The following PDZD7 variants were observed in gnomAD, a reference collection of about 807,000 sequenced individuals.
PDZD7 encodes PDZ domain containing 7, also known as PDZ domain-containing protein 7.
A neutral mutation model predicts 84.7 loss-of-function variants in PDZD7; 72 were observed. The observed-to-expected ratio is 0.85, with a 90% CI of 0.70 to 1.03. PDZD7 has a LOEUF of 1.03. Among genes scored for constraint, PDZD7 ranks in the 50% least tolerant of loss-of-function variants. The pLI is 0.00. For missense variants in PDZD7, 1,490 were observed against 1,412.9 expected (o/e 1.05, Z -0.87); for synonymous variants, 594 against 580.7 (o/e 1.02, Z -0.33).
intron 12 of PDZD7, 67 bp downstream of exon 12, chr10:101,012,100 G>T: frequency 1.3e-6 from 2 of 1,540,460 alleles, no homozygotes; most frequent in South Asian, 1.2e-5. Flanking sequence ...TTCAGCCCTC[G>T]GGAGGTTGGG....
chr10:101,015,552 G>C (rs1368375263), intron 11 of PDZD7, 84 bp downstream of exon 11: 10 of 1,477,508 alleles, frequency 6.8e-6, no homozygotes, highest in Non-Finnish European at 8.2e-6. Context: ...CCAGACACTG[G>C]TCAGTGGACA....
In PDZD7 at chr10:101,010,895, C is replaced by T. The variant is rs1488323392; in HGVS notation, c.2006-12G>A. 2 of 1,533,678 alleles carry T rather than the reference C, an allele frequency of 1.3e-6. No individual in the cohort carries two copies. Among genetic ancestry groups the T allele is most frequent in the East Asian group, 2.4e-5 (1 of 40,916 alleles). On this transcript the variant is annotated splice_polypyrimidine_tract_variant and intron_variant, in intron 14 of 16. Transcript: ENST00000619208. ...GCCTCCGCGGCTGTCTGGGGAAGAG[C>T]GCCAAGGTCAGCTGCCCACTCCTCC...
intron 14 of PDZD7, chr10:101,011,455 T>C: frequency 8.1e-7 from 1 of 1,238,146 alleles, no homozygotes; most frequent in Non-Finnish European, 1.1e-6. Context: ...CTGCATAGAA[T>C]GAGACTAGAT....
chr10:101,018,781 G>C (rs775743175), intron 8 of PDZD7, 41 bp downstream of exon 8: 1 of 1,540,264 alleles, frequency 6.5e-7, no homozygotes, highest in Non-Finnish European at 8.8e-7. Flanking sequence ...TTTTGGACCA[G>C]AGGCTGTGGA....
chr10:101,017,576 A>AT, intron 9 of PDZD7: 1 of 701,526 alleles, frequency 1.4e-6, no homozygotes, highest in Non-Finnish European at 2.6e-6. Context: ...CAGTCCAGGA[A>AT]TTTGAGACTA....
rs1447988198 is a variant in PDZD7, at chr10:101,018,224, G to A, written c.1397C>T (p.Thr466Met). ...TCCCTTGAAGAAGAGGTTCATCAGC[G>A]TCTTGGAGCGCTGCAGGGCACCCTT... ...GEKGALQRSK[T>M]LMNLFFKGGR... Residue 466 changes from threonine to methionine, a missense_variant, in exon 9 of 17, where the codon ACG (threonine) becomes ATG (methionine). Coordinates refer to ENST00000619208, the MANE Select transcript of PDZD7 (RefSeq NM_001195263.2). 6.2e-7 allele frequency: 1 copy of A among 1,614,072 alleles called. No individual in the cohort carries two copies. Among genetic ancestry groups the A allele is most frequent in the Non-Finnish European group, 8.5e-7 (1 of 1,180,056 alleles).
In PDZD7 at chr10:101,010,554, G is replaced by A. The variant is rs1408396864; in HGVS notation, c.2335C>T (p.Arg779Cys). 8 of 1,491,882 alleles carry A rather than the reference G, an allele frequency of 5.4e-6. No homozygotes were observed. In the Admixed American group the frequency reaches 8.0e-5, roughly 15 times the overall value. 92.4% of individuals were successfully genotyped at this position (1,491,882 alleles called of 1,614,324 possible). A position where few individuals can be genotyped will look rare whatever the true frequency, so the allele number is the denominator to read the frequency against. The change falls in exon 15 of 17, where the codon CGC becomes TGC. Residue 779 changes from arginine to cysteine, a missense_variant. Physicochemically the swap from Arg to Cys is radical, Grantham distance 180. Transcript: ENST00000619208. ...RAQSRSRSRS[R>C]SRSRSSRGQG... ...CCCCGGCTGCTGCGGCTGCGGCTGC[G>A]GCTACGGCTGCGGCTACGGCTCTGA...
At chr10:101,015,255 A>G (rs1464788104) in intron 11 of PDZD7, among the ~76,000 whole-genome samples, 1 of 151,942 alleles carries the variant, frequency 6.6e-6, no homozygotes, top group Non-Finnish European at 1.5e-5. Flanking sequence ...GACTGCAGGG[A>G]CTCACTTTCC....
chr10:101,015,367 C>T (rs991842015), intron 11 of PDZD7, among the ~76,000 whole-genome samples: 3 of 152,162 alleles, frequency 2.0e-5, no homozygotes, highest in African/African-American at 4.8e-5. Context: ...CCTGGGTTAC[C>T]GTCTCATGTT....
Position 101,023,446 on chromosome 10 carries a change from T to C in PDZD7, c.532A>G (p.Lys178Glu). 6.2e-7 allele frequency: 1 copy of C among 1,613,966 alleles called. No individual in the cohort carries two copies. Among genetic ancestry groups the C allele is most frequent in the Non-Finnish European group, 8.5e-7 (1 of 1,179,992 alleles). ...RVPGIKFSKEKTTWVDVVNRR... is the reference protein window; with the variant it reads ...RVPGIKFSKEETTWVDVVNRR... Reference sequence around the variant, plus strand: ...GGAGTTGCTGCTCACCACGTGGTCTTCTCCTTGGAGAACTTGATGCCCGGC... The same window carrying C: ...GGAGTTGCTGCTCACCACGTGGTCTCCTCCTTGGAGAACTTGATGCCCGGC... Residue 178 changes from lysine to glutamate, a missense_variant, in exon 4 of 17, where the codon AAG becomes GAG. Physicochemically the swap from Lys to Glu is moderately conservative, Grantham distance 56. Coordinates refer to ENST00000619208, the MANE Select transcript of PDZD7 (RefSeq NM_001195263.2).
chr10:101,010,229 C>T (rs1852347038), intron 15 of PDZD7, 43 bp downstream of exon 15: 3 of 1,483,822 alleles, frequency 2.0e-6, no homozygotes, highest in Non-Finnish European at 2.7e-6. Context: ...TAGGCCCAGG[C>T]TTCCTAGTGT....
intron 2 of PDZD7, among the ~76,000 whole-genome samples, chr10:101,028,814 T>G (rs1937875654): frequency 6.6e-6 from 1 of 152,214 alleles, no homozygotes; most frequent in Non-Finnish European, 1.5e-5. Context: ...CTCACCAGAA[T>G]GACCGTGGTG....
Position 101,010,894 on chromosome 10 carries a change from G to C in PDZD7, c.2006-11C>G, listed in dbSNP as rs1255120831. Reference sequence around the variant, plus strand: ...AGCCTCCGCGGCTGTCTGGGGAAGAGCGCCAAGGTCAGCTGCCCACTCCTC... The same window carrying C: ...AGCCTCCGCGGCTGTCTGGGGAAGACCGCCAAGGTCAGCTGCCCACTCCTC... On this transcript the variant is annotated splice_polypyrimidine_tract_variant and intron_variant, in intron 14 of 16. Transcript: ENST00000619208. 2.0e-6 allele frequency: 3 copies of C among 1,529,760 alleles called. No homozygotes were observed. In the South Asian group the frequency reaches 3.6e-5, roughly 18 times the overall value. The allele number at this position is 1,529,760 out of a possible 1,614,324, so 94.8% of individuals were successfully genotyped here.
At chr10:101,009,192 C>T in intron 16 of PDZD7, 58 bp downstream of exon 16, 5 of 1,431,936 alleles carry the variant, frequency 3.5e-6, no homozygotes, top group Non-Finnish European at 4.7e-6. Flanking sequence ...GCCAGCCCCA[C>T]CTCCTGCCTG....
intron 2 of PDZD7, among the ~76,000 whole-genome samples, chr10:101,026,663 T>TCACACACACACACACA: frequency 8.1e-6 from 1 of 123,778 alleles, no homozygotes; most frequent in Non-Finnish European, 1.7e-5. Flanking sequence ...CAGGGAGAAA[T>TCACACACACACACACA]CACACACACA....
Position 101,008,424 on chromosome 10 carries a change from G to C in PDZD7, c.*43C>G. 6.8e-7 allele frequency: 1 copy of C among 1,466,474 alleles called. No homozygotes were observed. The highest frequency in any genetic ancestry group is 9.0e-7 in the Non-Finnish European group (1 of 1,108,482). 90.8% of individuals were successfully genotyped at this position (1,466,474 alleles called of 1,614,324 possible). On this transcript the variant is annotated 3_prime_UTR_variant, in exon 17 of 17. Coordinates refer to ENST00000619208, the MANE Select transcript of PDZD7 (RefSeq NM_001195263.2). ...TGGTAGGAGAGGTCCTGGGGATAAC[G>C]GGATGCTGGAGTCAGTGGGTGAATC...
intron 2 of PDZD7, among the ~76,000 whole-genome samples, chr10:101,027,668 T>C (rs1307499192): frequency 1.3e-5 from 2 of 152,210 alleles, no homozygotes; most frequent in East Asian, 3.9e-4. Flanking sequence ...CATTCTATCA[T>C]GTCATCAGAT....
At chr10:101,025,474 T>C (rs1028259512) in intron 2 of PDZD7, among the ~76,000 whole-genome samples, 1 of 151,572 alleles carries the variant, frequency 6.6e-6, no homozygotes, top group African/African-American at 2.4e-5. Flanking sequence ...TCCCAAAGCA[T>C]TGGGATTACA....
intron 3 of PDZD7, 135 bp downstream of exon 3, chr10:101,023,793 G>A: frequency 6.7e-7 from 1 of 1,500,868 alleles, no homozygotes; most frequent in Non-Finnish European, 9.2e-7. Flanking sequence ...TTGAGGGTTG[G>A]CCCTGTCTCC....
Sources: allele counts gnomAD v4.1 joint callset (sites outside exome capture counted in the v4.1 genomes callset), GRCh38; gene constraint gnomAD v4.1.1; transcripts MANE v1.5; gene names NCBI Gene and HGNC (gene_info 2026-07-23, HGNC 2026-07-21).